NYAP2: variants seen among roughly 807,000 people sequenced by gnomAD.
The protein encoded by NYAP2 is neuronal tyrosine-phosphorylated phosphoinositide-3-kinase adaptor 2.
NYAP2 carries 23 observed loss-of-function variants against 50.4 expected under a neutral mutation model. That is an observed-to-expected ratio of 0.46 (90% CI 0.33 to 0.65). The LOEUF (loss-of-function observed/expected upper bound fraction) is 0.65. Among genes scored for constraint, NYAP2 ranks in the 30% least tolerant of loss-of-function variants. The pLI is 0.02. For missense variants in NYAP2, 885 were observed against 861.0 expected (o/e 1.03, Z -0.35); for synonymous variants, 394 against 365.2 (o/e 1.08, Z -0.90).
At chr2:225,677,301 G>A in the NYAP2 span, among the ~76,000 whole-genome samples, 1 of 152,252 alleles carries the variant, frequency 6.6e-6, no homozygotes, top group Non-Finnish European at 1.5e-5. Context: ...TCAGTTCCAG[G>A]AGCTTTTCGG....
intron 3 of NYAP2, among the ~76,000 whole-genome samples, chr2:225,448,256 G>T (rs1689594403): frequency 1.3e-5 from 2 of 152,212 alleles, no homozygotes; most frequent in Non-Finnish European, 2.9e-5. Flanking sequence ...GGTAGGAGCT[G>T]TAATTCAGTG....
chr2:225,605,984 A>G (rs1273936958), intron 5 of NYAP2, among the ~76,000 whole-genome samples: 1 of 152,146 alleles, frequency 6.6e-6, no homozygotes, highest in Admixed American at 6.6e-5. Flanking sequence ...TCCTGGTTTT[A>G]ATTGTGGCCT....
At chr2:225,549,448 T>G (rs894949042) in intron 4 of NYAP2, among the ~76,000 whole-genome samples, 4 of 152,178 alleles carry the variant, frequency 2.6e-5, no homozygotes, top group African/African-American at 9.7e-5. Flanking sequence ...GCTCGTATGA[T>G]TCTAGATGGA....
At chr2:225,516,538 CTT>C (rs371676415) in intron 4 of NYAP2, among the ~76,000 whole-genome samples, 1 of 148,888 alleles carries the variant, frequency 6.7e-6, no homozygotes, top group African/African-American at 2.5e-5. Context: ...TTTACTTTCC[CTT>C]TTTTTTTTCT....
At chr2:225,639,390 A>C (rs1249162724) in intron 6 of NYAP2, among the ~76,000 whole-genome samples, 1 of 152,206 alleles carries the variant, frequency 6.6e-6, no homozygotes, top group Non-Finnish European at 1.5e-5. Context: ...CAGAGCTTTT[A>C]AAATGCCTTT....
intron 3 of NYAP2, among the ~76,000 whole-genome samples, chr2:225,509,917 A>G (rs1336368939): frequency 2.6e-5 from 4 of 152,190 alleles, no homozygotes; most frequent in Non-Finnish European, 4.4e-5. Flanking sequence ...TATTTATTGG[A>G]GGAGAATAAG....
chr2:225,612,138 A>G (rs1692897351), intron 5 of NYAP2, among the ~76,000 whole-genome samples: 1 of 147,934 alleles, frequency 6.8e-6, no homozygotes, highest in African/African-American at 2.5e-5. Flanking sequence ...GCTGAAAACT[A>G]CTACAGGCTT....
At chr2:225,464,154 G>C (rs1012685660) in intron 3 of NYAP2, among the ~76,000 whole-genome samples, 1 of 152,144 alleles carries the variant, frequency 6.6e-6, no homozygotes, top group African/African-American at 2.4e-5. Context: ...CACAAACAGA[G>C]ACCGATTGAG....
At chr2:225,465,394 G>A (rs1689900128) in intron 3 of NYAP2, among the ~76,000 whole-genome samples, 1 of 151,982 alleles carries the variant, frequency 6.6e-6, no homozygotes, top group Non-Finnish European at 1.5e-5. Context: ...ATGTTGTTGG[G>A]TGCTTCCTAG....
chr2:225,620,189 T>A (rs983770337), intron 5 of NYAP2, among the ~76,000 whole-genome samples: 26 of 152,244 alleles, frequency 1.7e-4, no homozygotes, highest in Non-Finnish European at 7.3e-5. Flanking sequence ...GATAAATATG[T>A]CCTTTTCCTC....
chr2:225,412,866 ACT>A (rs1695070299), intron 3 of NYAP2, among the ~76,000 whole-genome samples: 1 of 152,058 alleles, frequency 6.6e-6, no homozygotes, highest in Non-Finnish European at 1.5e-5. Flanking sequence ...ATCAGGACAC[ACT>A]CAGACCTCAC....
chr2:225,558,290 C>T (rs1053383895), intron 4 of NYAP2, among the ~76,000 whole-genome samples: 7 of 152,130 alleles, frequency 4.6e-5, no homozygotes, highest in Admixed American at 2.6e-4. Context: ...TCTAATAATT[C>T]TGTCTAACAT....
chr2:225,515,021 A>G (rs933651580), intron 4 of NYAP2, among the ~76,000 whole-genome samples: 4 of 152,196 alleles, frequency 2.6e-5, no homozygotes, highest in Non-Finnish European at 5.9e-5. Context: ...CCTATGAGGT[A>G]TGTGCCATCT....
chr2:225,413,228 G>A (rs1695075495), intron 3 of NYAP2, among the ~76,000 whole-genome samples: 1 of 152,118 alleles, frequency 6.6e-6, no homozygotes, highest in Non-Finnish European at 1.5e-5. Context: ...CAGGACCCAC[G>A]TACAGTGTGA....
intron 3 of NYAP2, among the ~76,000 whole-genome samples, chr2:225,448,476 C>A (rs1192203274): frequency 6.6e-6 from 1 of 152,098 alleles, no homozygotes; most frequent in African/African-American, 2.4e-5. Flanking sequence ...ATGTGCCCAT[C>A]CTTATTAATT....
intron 4 of NYAP2, among the ~76,000 whole-genome samples, chr2:225,569,938 C>A (rs1046875388): frequency 1.3e-5 from 2 of 152,080 alleles, no homozygotes; most frequent in African/African-American, 4.8e-5. Context: ...TTTCTTTATC[C>A]TACTAGACTT....
intron 4 of NYAP2, among the ~76,000 whole-genome samples, chr2:225,533,768 A>G (rs994607732): frequency 6.6e-6 from 1 of 152,220 alleles, no homozygotes; most frequent in Non-Finnish European, 1.5e-5. Context: ...GCTCCCATAA[A>G]TTAAATAGTA....
chr2:225,459,560 C>T (rs976271205), intron 3 of NYAP2, among the ~76,000 whole-genome samples: 1 of 152,088 alleles, frequency 6.6e-6, no homozygotes, highest in African/African-American at 2.4e-5. Context: ...AGCATATATA[C>T]ATTTGAAAGT....
At chr2:225,673,539 T>G in the NYAP2 span, among the ~76,000 whole-genome samples, 1 of 152,142 alleles carries the variant, frequency 6.6e-6, no homozygotes, top group Non-Finnish European at 1.5e-5. Context: ...AACAATTTCT[T>G]TAGAAAAATA....
Sources: gnomAD v4.1 joint callset for allele counts (sites outside exome capture counted in the v4.1 genomes callset) on GRCh38, gnomAD v4.1.1 for gene constraint, MANE v1.5 for transcripts, NCBI Gene and HGNC (gene_info 2026-07-23, HGNC 2026-07-21) for gene names.